Variants in LPCAT1 observed in about 807,000 individuals in gnomAD.
The protein encoded by LPCAT1 is 1-acylglycerol-3-phosphate O-acyltransferase.
LPCAT1 carries 23 observed loss-of-function variants against 60.9 expected under a neutral mutation model. The observed-to-expected ratio is 0.38, with a 90% CI of 0.27 to 0.53. The LOEUF is 0.53. LPCAT1 is among the 20% of genes least tolerant of loss of function. The pLI is 0.82. For synonymous variants in LPCAT1, 340 were observed against 301.1 expected, an observed-to-expected ratio of 1.13 and a Z score of -1.34; for missense variants, 622 against 723.6, an observed-to-expected ratio of 0.86 and a Z score of 1.61.
intron 1 of LPCAT1, among the ~76,000 whole-genome samples, chr5:1,512,324 C>T (rs1195662091): frequency 6.6e-6 from 1 of 152,212 alleles, no homozygotes; most frequent in African/African-American, 2.4e-5. Flanking sequence ...TCACTGTCAG[C>T]TCTGCATCAT....
chr5:1,474,313 C>A (rs952927611), intron 10 of LPCAT1, among the ~76,000 whole-genome samples: 2 of 152,234 alleles, frequency 1.3e-5, no homozygotes, highest in African/African-American at 4.8e-5. Context: ...CCCTGAGACC[C>A]GTTCCCTTCC....
chr5:1,466,312 G>A (rs1006378204), intron 13 of LPCAT1, among the ~76,000 whole-genome samples: 24 of 152,252 alleles, frequency 1.6e-4, no homozygotes, highest in Middle Eastern at 6.8e-3. Context: ...CGCCCTGGGC[G>A]GCACGGGGGT....
chr5:1,494,376 G>A (rs1735698771), intron 3 of LPCAT1, among the ~76,000 whole-genome samples: 1 of 152,136 alleles, frequency 6.6e-6, no homozygotes, highest in Non-Finnish European at 1.5e-5. Flanking sequence ...AGGCCAATGT[G>A]CCCGGCGGTG....
In LPCAT1 at chr5:1,477,774, C is replaced by A; in HGVS notation, c.817-288G>T. On this transcript the variant is annotated intron_variant, in intron 8 of 13. Transcript: ENST00000283415. This position sits in a 1 kb window ranked among gnomAD's most constrained non-coding sequence, Gnocchi z 6.0. The stretch of plus-strand genomic sequence containing the variant: ...TGATCTACACTCACCCCCGTCAGTG[C>A]TCCTGGGAGCGCCTGCTGCCTACAT... Among the ~76,000 whole-genome samples, 2 of 146,154 alleles carry A rather than the reference C, an allele frequency of 1.4e-5. No homozygotes were observed. The highest frequency in any genetic ancestry group is 3.0e-5 in the Non-Finnish European group (2 of 66,330).
At chr5:1,514,398 C>A (rs567242739) in intron 1 of LPCAT1, among the ~76,000 whole-genome samples, 3 of 152,350 alleles carry the variant, frequency 2.0e-5, no homozygotes, top group African/African-American at 7.2e-5. Context: ...ATGCCAAACG[C>A]TCGCGGTGAA....
At chr5:1,515,239 T>C (rs1736470937) in intron 1 of LPCAT1, among the ~76,000 whole-genome samples, 1 of 145,480 alleles carries the variant, frequency 6.9e-6, no homozygotes, top group Admixed American at 6.8e-5. Context: ...TACTCCGAAC[T>C]GGCCGCAGAT....
Position 1,463,433 on chromosome 5 carries a change from G to A in LPCAT1, c.*218C>T, listed in dbSNP as rs1264116204. The A allele has an allele frequency of 5.2e-6, 3 of 580,890 alleles. No individual in the cohort carries two copies. Among genetic ancestry groups the A allele is most frequent in the East Asian group, 3.0e-5 (1 of 33,582 alleles). The allele number at this position is 580,890 out of a possible 1,614,324, so 36.0% of individuals were successfully genotyped here. A position where few individuals can be genotyped will look rare whatever the true frequency, so the allele number is the denominator to read the frequency against. ...GGGGTCCAGGCCAGGCGGGGGATCC[G>A]CGTGCGCGCCCTCCGATTCTCGCAC... On this transcript the variant is annotated 3_prime_UTR_variant, in exon 14 of 14. Coordinates refer to ENST00000283415, the MANE Select transcript of LPCAT1 (RefSeq NM_024830.5).
At position 1,485,875 on chromosome 5, in the gene LPCAT1, A is replaced by T. The variant is rs1408507890; in HGVS notation, c.668-2389T>A. Among the ~76,000 whole-genome samples the T allele has an allele frequency of 2.0e-5, 3 of 152,208 alleles. No individual in the cohort carries two copies. In the East Asian group the frequency reaches 5.8e-4, roughly 29 times the overall value. ...CCGTGCAGGGAGGCCACTGTGGCCC[A>T]GTGAGAGCTGCGTCCACTTCCAACA... On this transcript the variant is annotated intron_variant, in intron 5 of 13. Transcript: ENST00000283415.
At chr5:1,519,711 G>A (rs936545907) in intron 1 of LPCAT1, among the ~76,000 whole-genome samples, 3 of 152,228 alleles carry the variant, frequency 2.0e-5, no homozygotes, top group Admixed American at 6.5e-5. Flanking sequence ...GCGAGGACAC[G>A]GGAAAATGAC....
chr5:1,467,008 G>A lies in LPCAT1; in HGVS notation c.1279-118C>T. The A allele has an allele frequency of 6.1e-6, 7 of 1,148,130 alleles. No homozygotes were observed. In the South Asian group the frequency reaches 1.5e-4, roughly 25 times the overall value. 71.1% of individuals were successfully genotyped at this position (1,148,130 alleles called of 1,614,324 possible). ...GTCAGAGCTGCTGGGCACCTGCAGG[G>A]CCGGCGGCTGGACACGGGGGACTCG... On this transcript the variant is annotated intron_variant, in intron 12 of 13. Transcript: ENST00000283415.
chr5:1,463,882 T>G, intron 13 of LPCAT1, 47 bp from the exon 14 acceptor site: 1 of 1,593,076 alleles, frequency 6.3e-7, no homozygotes, highest in Non-Finnish European at 8.6e-7. Flanking sequence ...GACGAGCAAA[T>G]GTCTAGGATT....
intron 3 of LPCAT1, among the ~76,000 whole-genome samples, chr5:1,493,390 AGAATGTGTCCCCACCCAGTCCATACT>A (rs1476781185): frequency 6.6e-6 from 1 of 152,268 alleles, no homozygotes; most frequent in Non-Finnish European, 1.5e-5. Flanking sequence ...TCAGCACCAC[AGAATGTGTCCCCACCCAGTCCATACT>A]GAATGTGTCC....
At position 1,523,807 on chromosome 5, in the gene LPCAT1, G is replaced by T; in HGVS notation, c.38C>A (p.Ala13Asp). The change falls in exon 1 of 14, where the codon GCC becomes GAC. Residue 13 changes from alanine to aspartate, a missense_variant. Physicochemically the swap from Ala to Asp is moderately radical, Grantham distance 126 (BLOSUM62 -2). This residue lies in a region of LPCAT1 where 125 missense variants were observed against 114.5 expected (regional missense o/e 1.09). Coordinates refer to ENST00000283415, the MANE Select transcript of LPCAT1 (RefSeq NM_024830.5). The surrounding 1 kb of genome is among the most constrained non-coding windows in gnomAD (Gnocchi z 7.1). Reference sequence around the variant, plus strand: ...AGCGTCGCTGGCCCCTGCGCTGGAGGCAGGGGCGGCCCGGGGTCCGCATCC... The same window carrying T: ...AGCGTCGCTGGCCCCTGCGCTGGAGTCAGGGGCGGCCCGGGGTCCGCATCC... ...LRGCGPRAAP[A>D]SSAGASDARL... The T allele has an allele frequency of 9.1e-7, 1 of 1,096,848 alleles. No individual in the cohort carries two copies. 67.9% of individuals were successfully genotyped at this position (1,096,848 alleles called of 1,614,324 possible).
At chr5:1,465,442 G>A (rs1004701600) in intron 13 of LPCAT1, among the ~76,000 whole-genome samples, 5 of 141,600 alleles carry the variant, frequency 3.5e-5, no homozygotes, top group East Asian at 2.1e-4. Context: ...CAAAACAAGC[G>A]CAGGTACACA....
intron 13 of LPCAT1, among the ~76,000 whole-genome samples, chr5:1,465,078 AAC>A (rs148013461): frequency 0.41 from 60,149 of 145,288 alleles, 11,994 homozygotes; most frequent in South Asian, 0.46. Flanking sequence ...CACACACGGT[AAC>A]ACACATGCGC....
Position 1,481,548 on chromosome 5 carries a change from A to C in LPCAT1, c.727-572T>G, listed in dbSNP as rs1001459021. Among the ~76,000 whole-genome samples, 1 of 152,250 alleles carries C rather than the reference A, an allele frequency of 6.6e-6. No individual in the cohort carries two copies. The highest frequency in any genetic ancestry group is 1.5e-5 in the Non-Finnish European group (1 of 68,046). On this transcript the variant is annotated intron_variant, in intron 6 of 13. Coordinates refer to ENST00000283415, the MANE Select transcript of LPCAT1 (RefSeq NM_024830.5). This position sits in a 1 kb window ranked among gnomAD's most constrained non-coding sequence, Gnocchi z 7.8. ...GGGCCGTGACGGCAGAGGCCCAGAC[A>C]CCGTCACCCTGGGGTGGACCTTCTG... is the stretch of plus-strand genomic sequence containing the variant.
In LPCAT1 at chr5:1,517,087, T is replaced by C. The variant is rs557754655; in HGVS notation, c.135+6623A>G. Among the ~76,000 whole-genome samples the C allele has an allele frequency of 3.3e-5, 5 of 152,336 alleles. 1 individual carries two copies. The South Asian group carries it at 1.0e-3, about 32-fold the overall frequency. On this transcript the variant is annotated intron_variant, in intron 1 of 13. Transcript: ENST00000283415. ...AAACACAAGCCTAGCATCATGCTTT[T>C]TTCCTGGGCTCATTTTCAGAATGAT...
chr5:1,476,713 G>A lies in LPCAT1; in HGVS notation c.899+691C>T, dbSNP rs560326927. On this transcript the variant is annotated intron_variant, in intron 9 of 13. Transcript: ENST00000283415. This position sits in a 1 kb window ranked among gnomAD's most constrained non-coding sequence, Gnocchi z 8.6. ...GAGGAAGCACTAGGGAGGCATTCAC[G>A]TGGGGGTAAATCCAGGTGGGAGGAC... Among the ~76,000 whole-genome samples the A allele has an allele frequency of 3.3e-5, 5 of 152,226 alleles. No individual in the cohort carries two copies. The highest frequency in any genetic ancestry group is 1.9e-4 in the East Asian group (1 of 5,176).
At chr5:1,465,544 CAACTA>C (rs1734348120) in intron 13 of LPCAT1, among the ~76,000 whole-genome samples, 3 of 148,294 alleles carry the variant, frequency 2.0e-5, no homozygotes, top group South Asian at 2.2e-4. Flanking sequence ...ACGCACACAG[CAACTA>C]AACACACATG....
Sources: allele counts gnomAD v4.1 joint callset (sites outside exome capture counted in the v4.1 genomes callset), GRCh38; gene constraint gnomAD v4.1.1; regional missense constraint gnomAD v4.1.1; non-coding constraint Gnocchi (gnomAD v3.1); transcripts MANE v1.5; gene names NCBI Gene and HGNC (gene_info 2026-07-23, HGNC 2026-07-21).